Variants in TTN observed in about 807,000 individuals in gnomAD.
TTN encodes the protein connectin.
TTN carries 1,525 observed loss-of-function variants against 3,223.0 expected under a neutral mutation model. That is an observed-to-expected ratio of 0.47 (90% CI 0.45 to 0.49). TTN has a LOEUF of 0.49. Among genes scored for constraint, TTN ranks in the 20% least tolerant of loss-of-function variants. TTN has a pLI of 0.00. For missense variants in TTN, 40,786 were observed against 43,424.0 expected, an observed-to-expected ratio of 0.94 and a Z score of 5.40; for synonymous variants, 14,094 against 15,161.0, an observed-to-expected ratio of 0.93 and a Z score of 5.17.
chr2:178,557,521 A>C lies in TTN; in HGVS notation c.87741T>G (p.Thr29247=), dbSNP rs1225538033. ...TPGPPSTPWV[T]NVTRESITVG... ...CAGTGATGCTTTCTCGAGTAACATTAGTGACCCATGGTGTAGATGGTGGTC... is the reference window on the plus strand; with the variant it reads ...CAGTGATGCTTTCTCGAGTAACATTCGTGACCCATGGTGTAGATGGTGGTC... The change falls in exon 329 of 363, where the codon ACT becomes ACG. Residue 29247 remains threonine, a synonymous_variant. Coordinates refer to ENST00000589042, the MANE Select transcript of TTN (RefSeq NM_001267550.2). 1 of 1,613,952 alleles carries C rather than the reference A, an allele frequency of 6.2e-7. No individual in the cohort carries two copies. The highest frequency in any genetic ancestry group is 2.2e-5 in the East Asian group (1 of 44,834).
rs375710902 is a variant in TTN, at chr2:178,715,166, C to T, written c.26020G>A (p.Val8674Ile). 11 of 1,613,588 alleles carry T rather than the reference C, an allele frequency of 6.8e-6. No individual in the cohort carries two copies. In the African/African-American group the frequency reaches 1.1e-4, roughly 16 times the overall value. The change falls in exon 90 of 363, where the codon GTT becomes ATT. Residue 8674 changes from valine to isoleucine, a missense_variant. Transcript: ENST00000589042. Reference protein sequence around the residue: ...CELQGTPPFHVSWYKDKRELR... With the variant: ...CELQGTPPFHISWYKDKRELR... ...TCTCTCTTGTCTTTATACCAAGAAA[C>T]GTGAAATGGGGGAGTGCCCTGAAGC...
rs755822449 is a variant in TTN, at chr2:178,551,838, T to C, written c.91062A>G (p.Ser30354=). ...TWDAPVYDGG[S]EVTGFHVEKK... Reference sequence around the variant, plus strand: ...TTTCAACATGGAATCCAGTAACTTCTGAACCACCATCATAAACTGGAGCAT... The same window carrying C: ...TTTCAACATGGAATCCAGTAACTTCCGAACCACCATCATAAACTGGAGCAT... The change falls in exon 335 of 363, where the codon TCA becomes TCG. Residue 30354 remains serine, a synonymous_variant. Transcript: ENST00000589042. The C allele has an allele frequency of 6.2e-7, 1 of 1,613,926 alleles. No individual in the cohort carries two copies.
chr2:178,601,356 C>T lies in TTN; in HGVS notation c.55641G>A (p.Gln18547=). The part of the protein sequence containing the change: ...TFVVPDLLSE[Q]QYFFRVRAEN... ...CTGCTCGCACACGGAAGAAATATTG[C>T]TGTTCAGAGAGGAGATCAGGCACTA... The change falls in exon 287 of 363, where the codon CAG becomes CAA. Residue 18547 remains glutamine, a synonymous_variant. Transcript: ENST00000589042. 1 of 1,612,194 alleles carries T rather than the reference C, an allele frequency of 6.2e-7. No individual in the cohort carries two copies. The highest frequency in any genetic ancestry group is 8.5e-7 in the Non-Finnish European group (1 of 1,179,048).
At position 178,614,694 on chromosome 2, in the gene TTN, T is replaced by G. The variant is rs564109979; in HGVS notation, c.48820A>C (p.Thr16274Pro). Residue 16274 changes from threonine (T) to proline (P), a missense_variant, in exon 261 of 363, where the codon ACC (threonine) becomes CCC (proline). Coordinates refer to ENST00000589042, the MANE Select transcript of TTN (RefSeq NM_001267550.2). ...LLAGLTVKAG[T>P]KIELPATVTG... ...ACGGTGGCAGGAAGTTCAATCTTGG[T>G]CCCAGCTTTTACAGTGAGACCAGCA... is the stretch of plus-strand genomic sequence containing the variant. 1 of 1,612,184 alleles carries G rather than the reference T, an allele frequency of 6.2e-7. No homozygotes were observed. Among genetic ancestry groups the G allele is most frequent in the Admixed American group, 1.7e-5 (1 of 59,860 alleles).
chr2:178,614,097 C>G lies in TTN; in HGVS notation c.49300G>C (p.Gly16434Arg), dbSNP rs775667867. The G allele has an allele frequency of 1.2e-6, 2 of 1,612,276 alleles. No homozygotes were observed. Among genetic ancestry groups the G allele is most frequent in the African/African-American group, 2.7e-5 (2 of 74,776 alleles). Residue 16434 changes from glycine to arginine, a missense_variant, in exon 262 of 363, where the codon GGT becomes CGT. Transcript: ENST00000589042. ...ATTGGAGAGGCCTGAACTGGTTCAC[C>G]AACACCATACATGTTTTCTGCAGCA... ...RVAAENMYGV[G>R]EPVQASPITA...
chr2:178,678,278 G>A, intron 144 of TTN, 70 bp from the exon 145 acceptor site: 1 of 1,537,024 alleles, frequency 6.5e-7, no homozygotes. Flanking sequence ...ATATGAAAAA[G>A]AATCACAAAA....
In TTN at chr2:178,802,206, C is replaced by G. The variant is rs138750421; in HGVS notation, c.227G>C (p.Gly76Ala). Residue 76 changes from glycine (G) to alanine (A), a missense_variant, in exon 3 of 363, where the codon GGA becomes GCA. Transcript: ENST00000589042. The part of the protein sequence containing the change: ...TIPAVTKANS[G>A]RYSLKATNGS... ...ATTGGTGGCTTTCAGGGAATATCGT[C>G]CACTGTTGGCTTTAGTCACGGCGGG... is the stretch of plus-strand genomic sequence containing the variant. 8.2e-5 allele frequency: 133 copies of G among 1,614,012 alleles called. No homozygotes were observed. The highest frequency in any genetic ancestry group is 9.2e-5 in the Non-Finnish European group (109 of 1,180,010).
intron 36 of TTN, 23 bp from the exon 37 acceptor site, chr2:178,769,962 T>A (rs2091228560): frequency 6.2e-7 from 1 of 1,613,998 alleles, no homozygotes; most frequent in South Asian, 1.1e-5. Flanking sequence ...AAAGAGCACT[T>A]CAGTTAATAC....
intron 113 of TTN, 25 bp from the exon 114 acceptor site, chr2:178,696,294 G>A (rs972499571): frequency 2.7e-6 from 4 of 1,478,714 alleles, no homozygotes; most frequent in Non-Finnish European, 3.6e-6. Flanking sequence ...GATACTATTA[G>A]CATATTAATT....
chr2:178,601,964 A>G (rs2053580780), intron 284 of TTN, 38 bp downstream of exon 284: 1 of 1,612,612 alleles, frequency 6.2e-7, no homozygotes, highest in African/African-American at 1.3e-5. Flanking sequence ...CCTTATAGTG[A>G]TTCAGTGGAA....
chr2:178,576,326 C>T lies in TTN; in HGVS notation c.69806G>A (p.Gly23269Glu), dbSNP rs750182587. Residue 23269 changes from glycine (G) to glutamate (E), a missense_variant, in exon 326 of 363, where the codon GGA becomes GAA. By Grantham distance (98) the Gly-to-Glu change is moderately conservative. Transcript: ENST00000589042. This position sits in a 1 kb window ranked among gnomAD's most constrained non-coding sequence, Gnocchi z 4.3. ...LAWGKPHYDG[G>E]LEITGYVVEH... is the part of the protein sequence containing the mutation. ...CACGACATAGCCAGTGATTTCAAGT[C>T]CACCATCATAATGAGGCTTGCCCCA... 3.1e-5 allele frequency: 48 copies of T among 1,569,578 alleles called. No individual in the cohort carries two copies. The highest frequency in any genetic ancestry group is 4.1e-5 in the African/African-American group (3 of 72,860).
In TTN at chr2:178,560,142, C is replaced by T; in HGVS notation, c.85990G>A (p.Gly28664Ser). Reference sequence around the variant, plus strand: ...CAGGCAATAGTTATAGTTGTCTTGCCTGAGTCCACAATTTTGGGTTTGGAT... The same window carrying T: ...CAGGCAATAGTTATAGTTGTCTTGCTTGAGTCCACAATTTTGGGTTTGGAT... ...PPSKPKIVDS[G>S]KTTITIAWVK... Residue 28664 changes from glycine to serine, a missense_variant, in exon 326 of 363, where the codon GGC (glycine) becomes AGC (serine). By Grantham distance (56) the Gly-to-Ser change is moderately conservative. Transcript: ENST00000589042. 1 of 1,613,624 alleles carries T rather than the reference C, an allele frequency of 6.2e-7. No individual in the cohort carries two copies. Among genetic ancestry groups the T allele is most frequent in the East Asian group, 2.2e-5 (1 of 44,838 alleles).
rs573535626 is a variant in TTN at position 178,602,193 on chromosome 2, G to A, written c.55121-43C>T. 10 of 1,592,770 alleles carry A rather than the reference G, an allele frequency of 6.3e-6. No individual in the cohort carries two copies. The South Asian group carries it at 1.1e-4, about 18-fold the overall frequency. Reference sequence around the variant, plus strand: ...ATTTAACAGGATTTAGCTCATATTTGTCAAAAGTAATTGAAATATCTTCAG... The same window carrying A: ...ATTTAACAGGATTTAGCTCATATTTATCAAAAGTAATTGAAATATCTTCAG... On this transcript the variant is annotated intron_variant, in intron 283 of 362. Coordinates refer to ENST00000589042, the MANE Select transcript of TTN (RefSeq NM_001267550.2).
chr2:178,773,952 C>T lies in TTN; in HGVS notation c.7216G>A (p.Asp2406Asn). ...ATGAGCAGCATATGAGATTGTTTGT[C>T]TATCACAATGTGAACCCTGTCACTG... ...QPSDRVHIVI[D>N]KQSHMLLIED... The change falls in exon 31 of 363, where the codon GAC (aspartate) becomes AAC (asparagine). Residue 2406 changes from aspartate (D) to asparagine (N), a missense_variant. Coordinates refer to ENST00000589042, the MANE Select transcript of TTN (RefSeq NM_001267550.2). The T allele has an allele frequency of 6.2e-7, 1 of 1,614,112 alleles. No homozygotes were observed. The highest frequency in any genetic ancestry group is 1.1e-5 in the South Asian group (1 of 91,082).
intron 49 of TTN, among the ~76,000 whole-genome samples, chr2:178,737,775 AT>A (rs972290269): frequency 4.0e-5 from 6 of 150,570 alleles, no homozygotes; most frequent in Non-Finnish European, 8.9e-5. Flanking sequence ...TTGAGACATT[AT>A]TTTTTTTTAG....
Position 178,797,121 on chromosome 2 carries a change from C to T in TTN, c.915-1869G>A, listed in dbSNP as rs572644420. ...ATGGGATCAGGGACACTCCATGATT[C>T]TAAATGACCCTTAGGCTTGGGTTTT... On this transcript the variant is annotated intron_variant, in intron 6 of 362. Coordinates refer to ENST00000589042, the MANE Select transcript of TTN (RefSeq NM_001267550.2). 2.0e-5 allele frequency among the ~76,000 whole-genome samples: 3 copies of T among 152,256 alleles called. No homozygotes were observed. In the South Asian group the frequency reaches 6.2e-4, roughly 32 times the overall value.
At position 178,711,332 on chromosome 2, in the gene TTN, ATGG is replaced by A; in HGVS notation, c.27901_27903del (p.Pro9301del). On this transcript the variant is annotated inframe_deletion, in exon 97 of 363. Coordinates refer to ENST00000589042, the MANE Select transcript of TTN (RefSeq NM_001267550.2). ...ACATCTCTCAATTGTCGAGAAAATG[ATGG>A]TGGAAGTTTTTGCTCTGTAGGAACA... is the stretch of plus-strand genomic sequence containing the variant. 6.2e-7 allele frequency: 1 copy of A among 1,606,530 alleles called. No homozygotes were observed. The highest frequency in any genetic ancestry group is 8.5e-7 in the Non-Finnish European group (1 of 1,175,478).
chr2:178,696,446 C>T (rs368711902), intron 113 of TTN, among the ~76,000 whole-genome samples, 177 bp from the exon 114 acceptor site: 1 of 146,526 alleles, frequency 6.8e-6, no homozygotes, highest in East Asian at 2.0e-4. Context: ...AGTAGAGTAT[C>T]AAGATGCATT....
At chr2:178,583,931 C>A (rs1225907566) in intron 311 of TTN, 25 bp from the exon 312 acceptor site, 2 of 1,495,026 alleles carry the variant, frequency 1.3e-6, no homozygotes, top group African/African-American at 1.4e-5. Context: ...GGTACACTCA[C>A]CATTTATCTT....
Sources: gnomAD v4.1 joint callset for allele counts (sites outside exome capture counted in the v4.1 genomes callset) on GRCh38, gnomAD v4.1.1 for gene constraint, Gnocchi (gnomAD v3.1) non-coding constraint, MANE v1.5 for transcripts, NCBI Gene and HGNC (gene_info 2026-07-23, HGNC 2026-07-21) for gene names.